Variants in APIP observed in about 807,000 individuals in gnomAD.
The protein encoded by APIP is APAF1 interacting protein, also known as methylthioribulose-1-phosphate dehydratase.
APIP carries 32 observed loss-of-function variants against 32.0 expected under a neutral mutation model. The observed-to-expected ratio is 1.00, with a 90% confidence interval of 0.76 to 1.34. The LOEUF (loss-of-function observed/expected upper bound fraction) is 1.34, where lower values mean the gene tolerates loss of function less well. Among genes scored for constraint, APIP ranks in the 40% most tolerant of loss-of-function variants. The pLI is 0.00. For missense variants in APIP, 247 were observed against 298.6 expected (o/e 0.83, Z 1.27); for synonymous variants, 92 against 94.8 (o/e 0.97, Z 0.17).
At position 34,888,811 on chromosome 11, in the gene APIP, G is replaced by A. The variant is rs753034544; in HGVS notation, c.266C>T (p.Ser89Leu). 4 of 1,520,894 alleles carry A rather than the reference G, an allele frequency of 2.6e-6. No homozygotes were observed. Among genetic ancestry groups the A allele is most frequent in the South Asian group, 1.4e-5 (1 of 72,996 alleles). The allele number at this position is 1,520,894 out of a possible 1,614,324, so 94.2% of individuals were successfully genotyped here. Residue 89 changes from serine to leucine, a missense_variant, in exon 4 of 7, where the codon TCG becomes TTG. Transcript: ENST00000395787. ...ACACTGGCTTTTTTTTAGCTTCTTCGATGGCGAAGGTCCACTTATGTCCTT... is the reference window on the plus strand; with the variant it reads ...ACACTGGCTTTTTTTTAGCTTCTTCAATGGCGAAGGTCCACTTATGTCCTT... ...NEKDISGPSP[S>L]KKLKKSQCTP...
intron 1 of APIP, among the ~76,000 whole-genome samples, chr11:34,898,445 G>A (rs927818428): frequency 1.3e-5 from 2 of 152,032 alleles, no homozygotes; most frequent in Admixed American, 6.5e-5. Flanking sequence ...TTCTGGCCAG[G>A]ACACACCCTG....
intron 1 of APIP, among the ~76,000 whole-genome samples, chr11:34,913,987 C>T (rs1853603806): frequency 6.6e-6 from 1 of 152,184 alleles, no homozygotes; most frequent in Non-Finnish European, 1.5e-5. Context: ...TGGGAACACA[C>T]CATGTCTGTA....
At chr11:34,885,181 T>A (rs1026332118) in intron 5 of APIP, among the ~76,000 whole-genome samples, 1 of 148,310 alleles carries the variant, frequency 6.7e-6, no homozygotes, top group Non-Finnish European at 1.5e-5. Context: ...TAACTATATA[T>A]GTATATATAT....
At chr11:34,912,875 G>A (rs2133925752) in intron 1 of APIP, among the ~76,000 whole-genome samples, 1 of 152,210 alleles carries the variant, frequency 6.6e-6, no homozygotes, top group South Asian at 2.1e-4. Context: ...AGAGAACCCT[G>A]CTAAATACAC....
intron 1 of APIP, among the ~76,000 whole-genome samples, chr11:34,901,255 G>C (rs887504623): frequency 6.6e-6 from 1 of 152,074 alleles, no homozygotes; most frequent in Non-Finnish European, 1.5e-5. Context: ...TTTTAAGAAA[G>C]AATGTCCAGG....
chr11:34,902,908 G>A (rs1011377232), intron 1 of APIP, among the ~76,000 whole-genome samples: 1 of 152,192 alleles, frequency 6.6e-6, no homozygotes, highest in Non-Finnish European at 1.5e-5. Context: ...AGGATGGCCA[G>A]CATGTCTCCA....
At position 34,916,257 on chromosome 11, in the gene APIP, C is replaced by T. The variant is rs1186016058; in HGVS notation, c.28G>A (p.Asp10Asn). The T allele has an allele frequency of 1.2e-6, 2 of 1,612,628 alleles. No individual in the cohort carries two copies. The highest frequency in any genetic ancestry group is 1.3e-5 in the African/African-American group (1 of 75,042). MSGCDAREG[D>N]CCSRRCGAQD... Reference sequence around the variant, plus strand: ...GCGCCGCATCTCCGGGAACAACAGTCTCCCTCCCGAGCATCACAGCCAGAC... The same window carrying T: ...GCGCCGCATCTCCGGGAACAACAGTTTCCCTCCCGAGCATCACAGCCAGAC... The change falls in exon 1 of 7, where the codon GAC (aspartate) becomes AAC (asparagine). Residue 10 changes from aspartate to asparagine, a missense_variant. Asp to Asn is a conservative substitution (Grantham distance 23). Transcript: ENST00000395787.
chr11:34,883,439 C>T lies in APIP; in HGVS notation c.527G>A (p.Arg176Lys). 6.2e-7 allele frequency: 1 copy of T among 1,614,052 alleles called. No individual in the cohort carries two copies. The highest frequency in any genetic ancestry group is 8.5e-7 in the Non-Finnish European group (1 of 1,179,974). Residue 176 changes from arginine to lysine, a missense_variant, in exon 6 of 7, where the codon AGA becomes AAA. Physicochemically the swap from Arg to Lys is conservative, Grantham distance 26 (BLOSUM62 2). Coordinates refer to ENST00000395787, the MANE Select transcript of APIP (RefSeq NM_015957.4). The stretch of plus-strand genomic sequence containing the variant: ...GTATTCATTCATTGCATGAGCCATT[C>T]TATCTTTGAGGTCTTTCTCCTCAGG... ...NTPEEKDLKD[R>K]MAHAMNEYPD...
At chr11:34,913,522 C>G (rs1853592277) in intron 1 of APIP, among the ~76,000 whole-genome samples, 1 of 152,190 alleles carries the variant, frequency 6.6e-6, no homozygotes, top group Non-Finnish European at 1.5e-5. Context: ...TTGTTCGTTC[C>G]TCCCGGTGGG....
At chr11:34,902,471 T>G (rs1169581884) in intron 1 of APIP, among the ~76,000 whole-genome samples, 1 of 152,198 alleles carries the variant, frequency 6.6e-6, no homozygotes, top group Non-Finnish European at 1.5e-5. Context: ...AAAACCTCAG[T>G]GAAGTATCTA....
intron 1 of APIP, chr11:34,896,810 A>T: frequency 7.8e-7 from 1 of 1,288,434 alleles, no homozygotes; most frequent in Non-Finnish European, 1.0e-6. Flanking sequence ...AGGTATTGCA[A>T]AACTCTGGTG....
chr11:34,899,280 T>C (rs1228966085), intron 1 of APIP, among the ~76,000 whole-genome samples: 2 of 152,214 alleles, frequency 1.3e-5, no homozygotes, highest in Admixed American at 1.3e-4. Context: ...TTTGCACCAC[T>C]AGAAATCGGG....
At chr11:34,909,634 G>A (rs941348556) in intron 1 of APIP, among the ~76,000 whole-genome samples, 3 of 152,160 alleles carry the variant, frequency 2.0e-5, no homozygotes, top group Non-Finnish European at 2.9e-5. Flanking sequence ...GTACTTCACA[G>A]GCGGAAGATC....
chr11:34,888,256 C>A (rs766159390), intron 5 of APIP, 37 bp downstream of exon 5: 4 of 1,495,960 alleles, frequency 2.7e-6, no homozygotes, highest in African/African-American at 1.5e-5. Flanking sequence ...AGGAAGAATT[C>A]TTTTCAAATT....
At chr11:34,906,603 C>T (rs537075039) in intron 1 of APIP, among the ~76,000 whole-genome samples, 14 of 152,316 alleles carry the variant, frequency 9.2e-5, no homozygotes, top group East Asian at 3.9e-4. Flanking sequence ...TCTTTCACCA[C>T]AGTAGCAGCA....
chr11:34,906,486 C>T (rs532739387), intron 1 of APIP, among the ~76,000 whole-genome samples: 34 of 152,298 alleles, frequency 2.2e-4, no homozygotes, highest in East Asian at 1.9e-3. Context: ...GTCTGGATTA[C>T]GGGCTTCCCT....
chr11:34,916,198 A>G (rs773273824), intron 1 of APIP, 30 bp downstream of exon 1: 2 of 1,602,620 alleles, frequency 1.2e-6, no homozygotes, highest in South Asian at 2.2e-5. Flanking sequence ...TCCTCCTGGG[A>G]ATACCGGGCA....
intron 5 of APIP, among the ~76,000 whole-genome samples, chr11:34,885,377 T>C (rs1437025317): frequency 6.6e-6 from 1 of 151,844 alleles, no homozygotes; most frequent in Non-Finnish European, 1.5e-5. Context: ...AAGATTATAA[T>C]GGAGCTGAAA....
At chr11:34,883,648 G>A (rs1273599203) in intron 5 of APIP, 144 bp from the exon 6 acceptor site, 1 of 747,324 alleles carries the variant, frequency 1.3e-6, no homozygotes. Flanking sequence ...GATGTTGCGT[G>A]TTATTCTGTG....
Sources: allele counts gnomAD v4.1 joint callset (sites outside exome capture counted in the v4.1 genomes callset), GRCh38; gene constraint gnomAD v4.1.1; transcripts MANE v1.5; gene names NCBI Gene and HGNC (gene_info 2026-07-23, HGNC 2026-07-21).